The following DNAJC3 variants were observed in gnomAD, a reference collection of about 807,000 sequenced individuals.
DNAJC3 encodes the protein DnaJ heat shock protein family (Hsp40) member C3.
Under a neutral mutation model 68.6 loss-of-function variants are expected in DNAJC3, and 38 were observed. The observed-to-expected ratio is 0.55, with a 90% CI of 0.43 to 0.73. The LOEUF (loss-of-function observed/expected upper bound fraction) is 0.73, where lower values mean the gene tolerates loss of function less well. Ranked by LOEUF, DNAJC3 falls within the 30% of genes least tolerant of loss-of-function variation. The probability of loss-of-function intolerance (pLI) is 0.00; values close to 1 mark genes in which losing one functional copy is unlikely to be tolerated. For missense variants in DNAJC3, 526 were observed against 591.9 expected (o/e 0.89, Z 1.16); for synonymous variants, 203 against 204.0 (o/e 1.00, Z 0.04).
At chr13:95,725,862 C>T (rs1290445020) in intron 4 of DNAJC3, among the ~76,000 whole-genome samples, 1 of 124,826 alleles carries the variant, frequency 8.0e-6, no homozygotes, top group Non-Finnish European at 1.6e-5. Flanking sequence ...GTGTGATGTT[C>T]CCCTTCCTGT....
chr13:95,689,751 C>T (rs1880178235), intron 1 of DNAJC3, among the ~76,000 whole-genome samples: 1 of 152,072 alleles, frequency 6.6e-6, no homozygotes. Context: ...AAACATGCTT[C>T]ATAGCACAGC....
chr13:95,690,965 G>A (rs1313423383), intron 1 of DNAJC3, among the ~76,000 whole-genome samples: 1 of 138,706 alleles, frequency 7.2e-6, no homozygotes, highest in African/African-American at 2.7e-5. Context: ...GCCGGGCGGG[G>A]GGCTGACACC....
At position 95,791,306 on chromosome 13, in the gene DNAJC3, G is replaced by GGAA. The variant is rs1358579579; in HGVS notation, c.*278_*280dup. The GGAA allele has an allele frequency of 4.7e-6, 2 of 425,460 alleles. No homozygotes were observed. The highest frequency in any genetic ancestry group is 2.3e-5 in the African/African-American group (1 of 43,306). The allele number at this position is 425,460 out of a possible 1,614,324, so 26.4% of individuals were successfully genotyped here. A position where few individuals can be genotyped will look rare whatever the true frequency, so the allele number is the denominator to read the frequency against. Reference sequence around the variant, plus strand: ...AGTGGTCTGAGGCAGGCTCACCCGTGGAAGTGCTCACGTATTCTGTATTAT... The same window carrying GGAA: ...AGTGGTCTGAGGCAGGCTCACCCGTGGAAGAAGTGCTCACGTATTCTGTATTAT... On this transcript the variant is annotated 3_prime_UTR_variant, in exon 12 of 12. Coordinates refer to ENST00000602402, the MANE Select transcript of DNAJC3 (RefSeq NM_006260.5).
intron 9 of DNAJC3, among the ~76,000 whole-genome samples, chr13:95,771,069 G>A (rs537793928): frequency 6.6e-6 from 1 of 152,134 alleles, no homozygotes; most frequent in Admixed American, 6.5e-5. Flanking sequence ...ACATTTATCT[G>A]TCTCTAGCCC....
At chr13:95,746,112 C>T (rs1486374115) in intron 4 of DNAJC3, among the ~76,000 whole-genome samples, 2 of 152,198 alleles carry the variant, frequency 1.3e-5, no homozygotes, top group East Asian at 1.9e-4. Flanking sequence ...TGAAGCACTG[C>T]GCTGTTCTGC....
In DNAJC3 at chr13:95,791,180, C is replaced by G; in HGVS notation, c.*150C>G. The G allele has an allele frequency of 1.1e-6, 1 of 897,136 alleles. No individual in the cohort carries two copies. The highest frequency in any genetic ancestry group is 1.7e-6 in the Non-Finnish European group (1 of 597,918). The allele number at this position is 897,136 out of a possible 1,614,324, so 55.6% of individuals were successfully genotyped here. On this transcript the variant is annotated 3_prime_UTR_variant, in exon 12 of 12. Transcript: ENST00000602402. ...AATAGGAAAAAATCTGTTCTTATCC[C>G]TGTCAGATTTATGGTTAATGGGTTT...
chr13:95,779,069 A>T (rs1324140148), intron 9 of DNAJC3, among the ~76,000 whole-genome samples: 1 of 147,620 alleles, frequency 6.8e-6, no homozygotes, highest in East Asian at 2.0e-4. Context: ...TTTATTTTTA[A>T]TTGTAAAAAA....
intron 3 of DNAJC3, among the ~76,000 whole-genome samples, 191 bp downstream of exon 3, chr13:95,723,557 G>A (rs1305773527): frequency 6.6e-6 from 1 of 152,090 alleles, no homozygotes; most frequent in African/African-American, 2.4e-5. Context: ...GAGAACAGCG[G>A]GTACATTAGA....
intron 4 of DNAJC3, chr13:95,744,705 T>G (rs1453908701): frequency 6.6e-6 from 1 of 152,134 alleles, no homozygotes; most frequent in Non-Finnish European, 1.5e-5. Context: ...ATTTAACATA[T>G]TAAAAAATTG....
intron 9 of DNAJC3, among the ~76,000 whole-genome samples, chr13:95,777,115 A>G (rs908133606): frequency 2.6e-5 from 4 of 152,158 alleles, no homozygotes; most frequent in Admixed American, 6.5e-5. Flanking sequence ...GCTTTCTTCT[A>G]TGTTCAATAC....
At chr13:95,766,729 C>G (rs913558084) in intron 9 of DNAJC3, among the ~76,000 whole-genome samples, 4 of 149,704 alleles carry the variant, frequency 2.7e-5, no homozygotes, top group African/African-American at 9.9e-5. Context: ...GAGTCTTGCT[C>G]TATAGCCCAG....
At chr13:95,731,946 C>T (rs531787163) in intron 4 of DNAJC3, among the ~76,000 whole-genome samples, 2 of 143,520 alleles carry the variant, frequency 1.4e-5, no homozygotes, top group East Asian at 4.0e-4. Flanking sequence ...CACTTTGTTG[C>T]ACAGGCTGGT....
rs1880578015 is a variant in DNAJC3 at position 95,701,176 on chromosome 13, T to C, written c.83-8051T>C. 3.3e-5 allele frequency among the ~76,000 whole-genome samples: 5 copies of C among 152,286 alleles called. 1 individual carries two copies. The Middle Eastern group carries it at 0.014, about 414-fold the overall frequency. On this transcript the variant is annotated intron_variant, in intron 1 of 11. Coordinates refer to ENST00000602402, the MANE Select transcript of DNAJC3 (RefSeq NM_006260.5). ...TTCCGCGATGATGGGAGATATTTGGTATCATTTGCATTGTCCCATGCAGTG... is the reference window on the plus strand; with the variant it reads ...TTCCGCGATGATGGGAGATATTTGGCATCATTTGCATTGTCCCATGCAGTG...
chr13:95,778,245 C>T (rs779567271), intron 9 of DNAJC3, among the ~76,000 whole-genome samples: 6 of 152,298 alleles, frequency 3.9e-5, no homozygotes, highest in Non-Finnish European at 5.9e-5. Flanking sequence ...GGAGACATTA[C>T]ACTTAATAAT....
intron 1 of DNAJC3, among the ~76,000 whole-genome samples, chr13:95,686,674 A>G (rs141746775): frequency 3.7e-4 from 57 of 152,254 alleles, no homozygotes; most frequent in African/African-American, 1.2e-3. Flanking sequence ...TCAAAGATCA[A>G]TCTGTTGGAT....
chr13:95,760,707 C>A lies in DNAJC3; in HGVS notation c.757C>A (p.Gln253Lys). 1 of 1,610,538 alleles carries A rather than the reference C, an allele frequency of 6.2e-7. No homozygotes were observed. The highest frequency in any genetic ancestry group is 1.1e-5 in the South Asian group (1 of 90,478). Residue 253 changes from glutamine (Q) to lysine (K), a missense_variant, in exon 7 of 12, where the codon CAG becomes AAG. Coordinates refer to ENST00000602402, the MANE Select transcript of DNAJC3 (RefSeq NM_006260.5). ...AGTTCGGGAATGTCTTAAACTTGACCAGGATCATAAAAGGTGTTTTGCACA... is the reference window on the plus strand; with the variant it reads ...AGTTCGGGAATGTCTTAAACTTGACAAGGATCATAAAAGGTGTTTTGCACA... Reference protein sequence around the residue: ...SEVRECLKLDQDHKRCFAHYK... With the variant: ...SEVRECLKLDKDHKRCFAHYK...
At chr13:95,752,681 G>A (rs1354331585) in intron 4 of DNAJC3, among the ~76,000 whole-genome samples, 1 of 152,120 alleles carries the variant, frequency 6.6e-6, no homozygotes, top group Non-Finnish European at 1.5e-5. Context: ...AAATGCATTG[G>A]TTTATCTTGC....
intron 3 of DNAJC3, among the ~76,000 whole-genome samples, chr13:95,724,135 T>G (rs566570992): frequency 6.6e-6 from 1 of 152,248 alleles, no homozygotes; most frequent in Admixed American, 6.5e-5. Flanking sequence ...AAATCTCAAA[T>G]ATTTTTCAAA....
chr13:95,715,824 A>T (rs576115359), intron 2 of DNAJC3, among the ~76,000 whole-genome samples: 105 of 152,000 alleles, frequency 6.9e-4, no homozygotes, highest in African/African-American at 2.3e-3. Flanking sequence ...TTATCATTTT[A>T]GTTCATGTAG....
Sources: allele counts gnomAD v4.1 joint callset (sites outside exome capture counted in the v4.1 genomes callset), GRCh38; gene constraint gnomAD v4.1.1; transcripts MANE v1.5; gene names NCBI Gene and HGNC (gene_info 2026-07-23, HGNC 2026-07-21).